Variants in TUT4 observed in about 807,000 individuals in gnomAD.
TUT4 encodes terminal uridylyl transferase 4, also known as terminal uridylyltransferase 4.
Under a neutral mutation model 192.2 loss-of-function variants are expected in TUT4, and 36 were observed. The ratio of observed to expected loss-of-function variants is 0.19; its 90% CI spans 0.14 to 0.25. The LOEUF (loss-of-function observed/expected upper bound fraction) is 0.25. Ranked by LOEUF, TUT4 falls within the 10% of genes least tolerant of loss-of-function variation. TUT4 has a pLI of 1.00. For synonymous variants in TUT4, 618 were observed against 666.0 expected, an observed-to-expected ratio of 0.93 and a Z score of 1.11; for missense variants, 1,493 against 1,957.2, an observed-to-expected ratio of 0.76 and a Z score of 4.47.
At chr1:52,512,294 T>C (rs1677399151) in intron 3 of TUT4, among the ~76,000 whole-genome samples, 1 of 152,262 alleles carries the variant, frequency 6.6e-6, no homozygotes, top group African/African-American at 2.4e-5. Context: ...CTTTATTTCT[T>C]ACTACATACC....
chr1:52,505,930 G>A (rs1196228509), intron 4 of TUT4, among the ~76,000 whole-genome samples: 1 of 151,668 alleles, frequency 6.6e-6, no homozygotes, highest in African/African-American at 2.4e-5. Flanking sequence ...TCAACTTTCT[G>A]GGTTCAGCCT....
chr1:52,445,699 ATATC>A, intron 24 of TUT4, 84 bp downstream of exon 24: 2 of 959,146 alleles, frequency 2.1e-6, no homozygotes, highest in African/African-American at 3.3e-5. Context: ...CTCTTTCCCT[ATATC>A]TAACATCAGT....
intron 15 of TUT4, among the ~76,000 whole-genome samples, chr1:52,466,682 A>ATTT (rs1553174161): frequency 8.1e-6 from 1 of 123,844 alleles, no homozygotes; most frequent in Non-Finnish European, 1.6e-5. Context: ...ATATATATAT[A>ATTT]TTTTTGAGAC....
rs574295904 is a variant in TUT4, at chr1:52,470,540, T to C, written c.2878+1412A>G. 2.6e-5 allele frequency among the ~76,000 whole-genome samples: 4 copies of C among 152,192 alleles called. No homozygotes were observed. In the East Asian group the frequency reaches 7.7e-4, roughly 29 times the overall value. The stretch of plus-strand genomic sequence containing the variant: ...GTGAATGGATAAACAAATTGTGGTA[T>C]AACCATACAATGGAACACTACTCAG... On this transcript the variant is annotated intron_variant, in intron 14 of 29. Coordinates refer to ENST00000257177, the MANE Select transcript of TUT4 (RefSeq NM_001009881.3).
intron 1 of TUT4, among the ~76,000 whole-genome samples, chr1:52,526,685 T>G (rs1270136397): frequency 4.6e-5 from 7 of 152,160 alleles, no homozygotes; most frequent in African/African-American, 2.4e-5. Context: ...TGCAATTGAA[T>G]GTATCACAAT....
rs1437358968 is a variant in TUT4 at position 52,438,222 on chromosome 1, T to C, written c.3936A>G (p.Lys1312=). The change falls in exon 25 of 30, where the codon AAA becomes AAG. Residue 1312 remains lysine (K), a splice_region_variant and synonymous_variant. Transcript: ENST00000257177. Reference sequence around the variant, plus strand: ...TTGATATATATTCATTTGCCAACCTTTTCCTTTTAGGGCAGTCTTTCATGT... The same window carrying C: ...TTGATATATATTCATTTGCCAACCTCTTCCTTTTAGGGCAGTCTTTCATGT... ...GHYMKDCPKR[K]SSLLFRLKKK... The C allele has an allele frequency of 6.2e-7, 1 of 1,608,996 alleles. No individual in the cohort carries two copies. The highest frequency in any genetic ancestry group is 1.1e-5 in the South Asian group (1 of 89,556).
At chr1:52,447,470 AAAAAAAC>A (rs1482807615) in intron 20 of TUT4, among the ~76,000 whole-genome samples, 17 of 150,886 alleles carry the variant, frequency 1.1e-4, no homozygotes, top group African/African-American at 4.2e-4. Context: ...ACAAAAAAAC[AAAAAAAC>A]AAAAAAAAAA....
chr1:52,536,591 G>A (rs111837165), intron 1 of TUT4, among the ~76,000 whole-genome samples: 69 of 152,292 alleles, frequency 4.5e-4, no homozygotes, highest in East Asian at 1.4e-3. Context: ...GGTGGCTCAC[G>A]CCTGTAATCC....
At chr1:52,532,835 C>T (rs760598182) in intron 1 of TUT4, among the ~76,000 whole-genome samples, 5 of 152,118 alleles carry the variant, frequency 3.3e-5, no homozygotes, top group Non-Finnish European at 7.4e-5. Context: ...TCTCCTTTTT[C>T]CTGAGCACAT....
At chr1:52,498,819 G>A (rs1570980627) in intron 4 of TUT4, among the ~76,000 whole-genome samples, 1 of 146,916 alleles carries the variant, frequency 6.8e-6, no homozygotes, top group South Asian at 2.2e-4. Context: ...CCTCGGAGGT[G>A]GAGCTTGCAG....
intron 14 of TUT4, among the ~76,000 whole-genome samples, chr1:52,469,818 G>C (rs1665204971): frequency 6.6e-6 from 1 of 150,960 alleles, no homozygotes; most frequent in African/African-American, 2.4e-5. Context: ...TGGAACCCAG[G>C]AGGCGGAGCT....
intron 1 of TUT4, among the ~76,000 whole-genome samples, chr1:52,546,438 A>G (rs1035985971): frequency 6.6e-6 from 1 of 152,254 alleles, no homozygotes; most frequent in Non-Finnish European, 1.5e-5. Flanking sequence ...GAAATAAGCC[A>G]CAAGACAAAT....
rs1676801094 is a variant in TUT4 at position 52,510,327 on chromosome 1, A to AAAG, written c.883-616_883-615insCTT. Among the ~76,000 whole-genome samples, 15 of 126,356 alleles carry AAAG rather than the reference A, an allele frequency of 1.2e-4. No homozygotes were observed. The South Asian group carries it at 3.9e-3, about 32-fold the overall frequency. 82.9% of individuals were successfully genotyped at this position (126,356 alleles called of 152,430 possible). On this transcript the variant is annotated intron_variant, in intron 3 of 29. Coordinates refer to ENST00000257177, the MANE Select transcript of TUT4 (RefSeq NM_001009881.3). ...AAGACTTCGTATTAACAAAAAAAAA[A>AAAG]AAAAAAAAAAAAAAGAAAAGTGGTC...
intron 4 of TUT4, among the ~76,000 whole-genome samples, chr1:52,499,565 G>A (rs1194210227): frequency 6.6e-6 from 1 of 151,430 alleles, no homozygotes; most frequent in Non-Finnish European, 1.5e-5. Flanking sequence ...GTGAAACCCT[G>A]TTTCTACAAA....
chr1:52,453,317 G>A (rs1659987524), intron 20 of TUT4, among the ~76,000 whole-genome samples: 2 of 151,956 alleles, frequency 1.3e-5, no homozygotes, highest in Admixed American at 6.6e-5. Context: ...AGGAGGCGGA[G>A]GCTGGAGTAA....
chr1:52,442,167 C>CAAAAA (rs58552556), intron 24 of TUT4, among the ~76,000 whole-genome samples: 10,821 of 75,784 alleles, frequency 0.14, 1,208 homozygotes, highest in East Asian at 0.26. Context: ...GACTCCACCT[C>CAAAAA]AAAAAAAAAA....
In TUT4 at chr1:52,488,993, A is replaced by G; in HGVS notation, c.1431T>C (p.Cys477=). Residue 477 remains cysteine (C), a synonymous_variant, in exon 9 of 30, where the codon TGT becomes TGC. Coordinates refer to ENST00000257177, the MANE Select transcript of TUT4 (RefSeq NM_001009881.3). ...CRVSAGNDMA[C]LTTDLLTALG... is the part of the protein sequence containing the mutation. ...GGGCAGTAAGTAAATCAGTAGTGAG[A>G]CATGCCATATCGTTTCCTGCACTCA... 6.2e-7 allele frequency: 1 copy of G among 1,613,782 alleles called. No individual in the cohort carries two copies. Among genetic ancestry groups the G allele is most frequent in the South Asian group, 1.1e-5 (1 of 91,036 alleles).
intron 26 of TUT4, among the ~76,000 whole-genome samples, chr1:52,435,669 T>G (rs1653515617): frequency 1.3e-5 from 2 of 152,046 alleles, no homozygotes; most frequent in South Asian, 4.1e-4. Context: ...AACTAGCAGA[T>G]CAAGAAAAAA....
chr1:52,527,077 G>A (rs1323695790), intron 1 of TUT4, among the ~76,000 whole-genome samples: 1 of 152,038 alleles, frequency 6.6e-6, no homozygotes, highest in Non-Finnish European at 1.5e-5. Flanking sequence ...ATCCGTTTAT[G>A]GAATCCTAAA....
Sources: gnomAD v4.1 joint callset for allele counts (sites outside exome capture counted in the v4.1 genomes callset) on GRCh38, gnomAD v4.1.1 for gene constraint, MANE v1.5 for transcripts, NCBI Gene and HGNC (gene_info 2026-07-23, HGNC 2026-07-21) for gene names.